Variants in WFDC3 observed in about 807,000 individuals in gnomAD.
WFDC3 encodes WAP four-disulfide core domain protein 3.
A neutral mutation model predicts 25.8 loss-of-function variants in WFDC3; 15 were observed. The ratio of observed to expected loss-of-function variants is 0.58; its 90% CI spans 0.39 to 0.89. The LOEUF (loss-of-function observed/expected upper bound fraction) is 0.89, where lower values mean the gene tolerates loss of function less well. Among genes scored for constraint, WFDC3 ranks in the 40% least tolerant of loss-of-function variants. The pLI, the probability that WFDC3 is intolerant of heterozygous loss-of-function variation, is 0.00. For synonymous variants in WFDC3, 103 were observed against 107.1 expected (o/e 0.96, Z 0.24); for missense variants, 264 against 289.8 (o/e 0.91, Z 0.65).
At chr20:45,774,505 G>A in intron 6 of WFDC3, 61 bp from the exon 7 acceptor site, 2 of 1,612,796 alleles carry the variant, frequency 1.2e-6, no homozygotes, top group Non-Finnish European at 1.7e-6. Flanking sequence ...TACCTGAAAT[G>A]TTTTCCCTCC....
At chr20:45,782,349 G>GT (rs1251368383) in intron 4 of WFDC3, among the ~76,000 whole-genome samples, 1 of 151,560 alleles carries the variant, frequency 6.6e-6, no homozygotes, top group African/African-American at 2.4e-5. Context: ...ATTGTTATTG[G>GT]TTTTTTGGGG....
chr20:45,789,109 TG>T, intron 2 of WFDC3, 50 bp from the exon 3 acceptor site: 1 of 1,605,914 alleles, frequency 6.2e-7, no homozygotes, highest in Non-Finnish European at 8.5e-7. Context: ...GCCTCAGAAA[TG>T]GGGAATGGAC....
intron 4 of WFDC3, among the ~76,000 whole-genome samples, chr20:45,782,596 T>C (rs1980497974): frequency 6.6e-6 from 1 of 152,140 alleles, no homozygotes; most frequent in South Asian, 2.1e-4. Context: ...CAGGCTGGTC[T>C]CAAACTCCTG....
chr20:45,776,853 A>T (rs1980209719), intron 5 of WFDC3, among the ~76,000 whole-genome samples: 1 of 151,960 alleles, frequency 6.6e-6, no homozygotes, highest in South Asian at 2.1e-4. Flanking sequence ...CAAAAGCCAC[A>T]CTGTCTGTCT....
intron 3 of WFDC3, chr20:45,788,698 G>A: frequency 2.3e-6 from 1 of 437,428 alleles, no homozygotes; most frequent in South Asian, 4.4e-5. Context: ...GGAACTTTGA[G>A]TCCAAAGTAA....
rs762240715 is a variant in WFDC3, at chr20:45,776,660, A to ATATATATGTGTGTGTGTG, written c.493+414_493+415insCACACACACACATATATA. 1.4e-4 allele frequency among the ~76,000 whole-genome samples: 13 copies of ATATATATGTGTGTGTGTG among 93,298 alleles called. No homozygotes were observed. In the East Asian group the frequency reaches 1.5e-3, roughly 11 times the overall value. 61.2% of individuals were successfully genotyped at this position (93,298 alleles called of 152,430 possible). A position where few individuals can be genotyped will look rare whatever the true frequency, so the allele number is the denominator to read the frequency against. On this transcript the variant is annotated intron_variant, in intron 5 of 6. Coordinates refer to ENST00000243938, the MANE Select transcript of WFDC3 (RefSeq NM_080614.2). Reference sequence around the variant, plus strand: ...AATATATATATATATATATATATATATGTGTGTGTGTGTTTCCAACTAAGA... The same window carrying ATATATATGTGTGTGTGTG: ...AATATATATATATATATATATATATATATATATGTGTGTGTGTGTGTGTGTGTGTGTTTCCAACTAAGA...
intron 4 of WFDC3, among the ~76,000 whole-genome samples, chr20:45,778,322 TA>T (rs1360775857): frequency 6.6e-6 from 1 of 152,160 alleles, no homozygotes; most frequent in Admixed American, 6.5e-5. Flanking sequence ...ATCATGTGGG[TA>T]TATGAACTGC....
At position 45,787,952 on chromosome 20, in the gene WFDC3, C is replaced by T. The variant is rs781055029; in HGVS notation, c.242G>A (p.Arg81Gln). 1.2e-5 allele frequency: 20 copies of T among 1,613,700 alleles called. No individual in the cohort carries two copies. The highest frequency in any genetic ancestry group is 1.6e-4 in the Middle Eastern group (1 of 6,084). The stretch of plus-strand genomic sequence containing the variant: ...GCACCTTTTCAAACAGGATTGTTTC[C>T]GAATAACCCTAGGGCAATCTCTTTT... ...GRKRDCPRVI[R>Q]KQSCLKRCIT... The change falls in exon 4 of 7, where the codon CGG (arginine) becomes CAG (glutamine). Residue 81 changes from arginine to glutamine, a missense_variant. By Grantham distance (43) the Arg-to-Gln change is conservative. Coordinates refer to ENST00000243938, the MANE Select transcript of WFDC3 (RefSeq NM_080614.2).
chr20:45,774,639 G>A (rs1980049896), intron 6 of WFDC3, among the ~76,000 whole-genome samples, 195 bp from the exon 7 acceptor site: 1 of 152,132 alleles, frequency 6.6e-6, no homozygotes, highest in African/African-American at 2.4e-5. Context: ...TGTATCTCCT[G>A]TTATAAAAAA....
intron 5 of WFDC3, among the ~76,000 whole-genome samples, chr20:45,776,493 C>A (rs1402693578): frequency 6.7e-6 from 1 of 149,862 alleles, no homozygotes; most frequent in African/African-American, 2.5e-5. Flanking sequence ...GTAATCCCAG[C>A]TACTCAGGAG....
rs748465782 is a variant in WFDC3 at position 45,774,388 on chromosome 20, T to G, written c.*40A>C. ...CCCTCTCTTGACTGCCAGGAAAAGC[T>G]TCCAGAATTACCAAAGAAGCTCCAG... On this transcript the variant is annotated 3_prime_UTR_variant, in exon 7 of 7. Transcript: ENST00000243938. The G allele has an allele frequency of 6.2e-7, 1 of 1,614,032 alleles. No individual in the cohort carries two copies.
chr20:45,780,832 C>T (rs1326942495), intron 4 of WFDC3, among the ~76,000 whole-genome samples: 1 of 152,128 alleles, frequency 6.6e-6, no homozygotes, highest in Non-Finnish European at 1.5e-5. Flanking sequence ...AACTTACTCC[C>T]CTTCTCTTGT....
At chr20:45,790,647 C>T (rs978323460) in intron 1 of WFDC3, among the ~76,000 whole-genome samples, 3 of 152,000 alleles carry the variant, frequency 2.0e-5, no homozygotes, top group African/African-American at 7.3e-5. Flanking sequence ...ATAGCTTGAA[C>T]CCAGGAGGCA....
chr20:45,791,335 C>T (rs78572112), intron 1 of WFDC3, among the ~76,000 whole-genome samples: 4,141 of 142,604 alleles, frequency 0.029, 177 homozygotes, highest in Admixed American at 0.12. Flanking sequence ...CTCCCTCTGT[C>T]GCCCAGGCTG....
chr20:45,783,756 C>T (rs990993443), intron 4 of WFDC3, among the ~76,000 whole-genome samples: 1 of 152,100 alleles, frequency 6.6e-6, no homozygotes, highest in Non-Finnish European at 1.5e-5. Flanking sequence ...TATGGTAAAC[C>T]TCTGGCAATG....
At chr20:45,781,977 C>T (rs1248030639) in intron 4 of WFDC3, among the ~76,000 whole-genome samples, 1 of 152,160 alleles carries the variant, frequency 6.6e-6, no homozygotes, top group Non-Finnish European at 1.5e-5. Flanking sequence ...AAAGGGTCAG[C>T]CAGACACCCA....
intron 1 of WFDC3, among the ~76,000 whole-genome samples, chr20:45,790,743 G>A (rs915674705): frequency 1.3e-5 from 2 of 151,520 alleles, no homozygotes; most frequent in African/African-American, 4.8e-5. Flanking sequence ...AAAAAAGAGA[G>A]AAAAGAAACT....
rs1980037285 is a variant in WFDC3 at position 45,774,346 on chromosome 20, CA to C, written c.*81del. On this transcript the variant is annotated 3_prime_UTR_variant, in exon 7 of 7. Transcript: ENST00000243938. ...GCCATGAGTGCCCCTGGAAATGTCA[CA>C]AGCCCCAGGATGTCACCCTCTCTTG... The C allele has an allele frequency of 4.2e-5, 67 of 1,597,492 alleles. 1 individual carries two copies. In the South Asian group the frequency reaches 6.8e-4, roughly 16 times the overall value.
chr20:45,775,052 A>G (rs982616867), intron 6 of WFDC3, among the ~76,000 whole-genome samples: 1 of 150,524 alleles, frequency 6.6e-6, no homozygotes, highest in African/African-American at 2.5e-5. Flanking sequence ...TTCCTTTGCC[A>G]GCAATCACCA....
Sources: gnomAD v4.1 joint callset for allele counts (sites outside exome capture counted in the v4.1 genomes callset) on GRCh38, gnomAD v4.1.1 for gene constraint, MANE v1.5 for transcripts, NCBI Gene and HGNC (gene_info 2026-07-23, HGNC 2026-07-21) for gene names.